Variants in WNT7B observed in about 807,000 individuals in gnomAD.
The protein encoded by WNT7B is protein Wnt-7b.
Under a neutral mutation model 38.2 loss-of-function variants are expected in WNT7B, and 19 were observed. The ratio of observed to expected loss-of-function variants is 0.50; its 90% CI spans 0.35 to 0.73. The LOEUF (loss-of-function observed/expected upper bound fraction) is 0.73. WNT7B is among the 30% of genes least tolerant of loss of function. WNT7B has a pLI of 0.01. For synonymous variants in WNT7B, 243 were observed against 209.3 expected, an observed-to-expected ratio of 1.16 and a Z score of -1.39; for missense variants, 423 against 507.9, an observed-to-expected ratio of 0.83 and a Z score of 1.61.
intron 3 of WNT7B, chr22:45,926,612 T>C: frequency 9.1e-6 from 9 of 985,380 alleles, no homozygotes; most frequent in South Asian, 4.7e-5. Context: ...CACCTCACCC[T>C]GGATCCTGGC....
intron 1 of WNT7B, among the ~76,000 whole-genome samples, chr22:45,953,700 C>T (rs1931992117): frequency 6.8e-6 from 1 of 147,396 alleles, no homozygotes; most frequent in Admixed American, 6.8e-5. Flanking sequence ...TGCCACCTCA[C>T]ACCCACTAGG....
chr22:45,947,023 G>A (rs2146729598), intron 2 of WNT7B, among the ~76,000 whole-genome samples: 1 of 152,332 alleles, frequency 6.6e-6, no homozygotes, highest in South Asian at 2.1e-4. Flanking sequence ...CTATGGCCCA[G>A]CTCCCAGCCC....
chr22:45,971,458 G>T (rs1351150791), intron 1 of WNT7B, among the ~76,000 whole-genome samples: 2 of 152,328 alleles, frequency 1.3e-5, no homozygotes, highest in Admixed American at 6.5e-5. Context: ...GAGCTTCTCA[G>T]AGCCCCGTGG....
At position 45,951,017 on chromosome 22, in the gene WNT7B, C is replaced by A. The variant is rs144808300; in HGVS notation, c.72-871G>T. ...GGACCTGAAGCCCTAGACAAGAACC[C>A]GCAGGTCACGCTCACTCTACTTCAA... On this transcript the variant is annotated intron_variant, in intron 1 of 3. Transcript: ENST00000339464. The surrounding 1 kb of genome is among the most constrained non-coding windows in gnomAD (Gnocchi z 4.8). Among the ~76,000 whole-genome samples, 7 of 152,170 alleles carry A rather than the reference C, an allele frequency of 4.6e-5. No individual in the cohort carries two copies. Among genetic ancestry groups the A allele is most frequent in the Non-Finnish European group, 7.3e-5 (5 of 68,038 alleles).
At chr22:45,926,869 C>A in intron 3 of WNT7B, 5 of 985,446 alleles carry the variant, frequency 5.1e-6, no homozygotes, top group African/African-American at 1.7e-5. Flanking sequence ...CAGGATCCGG[C>A]GCTCCCATTA....
intron 1 of WNT7B, among the ~76,000 whole-genome samples, chr22:45,970,996 G>A (rs1022667272): frequency 6.6e-6 from 1 of 152,258 alleles, no homozygotes; most frequent in Non-Finnish European, 1.5e-5. Flanking sequence ...CGCAGCATCT[G>A]GCTGCGGTTG....
chr22:45,941,030 G>A (rs1484520729), intron 2 of WNT7B, among the ~76,000 whole-genome samples: 1 of 152,304 alleles, frequency 6.6e-6, no homozygotes, highest in African/African-American at 2.4e-5. Context: ...CCCCTGGAAG[G>A]TGTCACTTTG....
At chr22:45,929,646 A>C (rs1031530728) in intron 3 of WNT7B, among the ~76,000 whole-genome samples, 20 of 90,808 alleles carry the variant, frequency 2.2e-4, no homozygotes, top group Admixed American at 1.1e-3. Flanking sequence ...GCATCCACTC[A>C]TCCATCCTTC....
chr22:45,942,509 A>C (rs530518053), intron 2 of WNT7B, among the ~76,000 whole-genome samples: 23 of 152,356 alleles, frequency 1.5e-4, no homozygotes, highest in African/African-American at 5.3e-4. Flanking sequence ...GCTTGGCCCC[A>C]ATCCCTGCTT....
intron 3 of WNT7B, chr22:45,926,840 G>A: frequency 1.0e-6 from 1 of 985,436 alleles, no homozygotes; most frequent in Non-Finnish European, 1.2e-6. Flanking sequence ...GAAGGAGAGT[G>A]TGGAGGGTGT....
intron 3 of WNT7B, chr22:45,927,566 A>C (rs1353353020): frequency 1.6e-6 from 2 of 1,253,718 alleles, no homozygotes; most frequent in African/African-American, 3.0e-5. Flanking sequence ...TGGGTTGTCC[A>C]AGTAGGCCCT....
rs184140525 is a variant in WNT7B, at chr22:45,951,279, G to A, written c.72-1133C>T. Among the ~76,000 whole-genome samples, 221 of 152,170 alleles carry A rather than the reference G, an allele frequency of 1.5e-3. No homozygotes were observed. The highest frequency in any genetic ancestry group is 2.5e-3 in the Non-Finnish European group (170 of 68,014). On this transcript the variant is annotated intron_variant, in intron 1 of 3. Transcript: ENST00000339464. This position sits in a 1 kb window ranked among gnomAD's most constrained non-coding sequence, Gnocchi z 4.8. ...TTTAGTAGAGACAGGATTTCACTGT[G>A]TTGGCCAGGCTGGTCTCGAACTCCT... is the stretch of plus-strand genomic sequence containing the variant.
rs1457993087 is a variant in WNT7B at position 45,977,026 on chromosome 22, AG to A, written c.-273del. On this transcript the variant is annotated 5_prime_UTR_variant, in exon 1 of 4. Transcript: ENST00000339464. The stretch of plus-strand genomic sequence containing the variant: ...GGTTGAGCGACCGTGGACCCCTGCA[AG>A]CGCGGGCCGGGGGCCCGGGCGCGGC... 1.0e-6 allele frequency: 1 copy of A among 984,960 alleles called. No homozygotes were observed. Among genetic ancestry groups the A allele is most frequent in the East Asian group, 1.1e-4 (1 of 8,806 alleles). The allele number at this position is 984,960 out of a possible 1,614,324, so 61.0% of individuals were successfully genotyped here.
At chr22:45,927,818 C>T (rs530717194) in intron 3 of WNT7B, among the ~76,000 whole-genome samples, 4 of 152,300 alleles carry the variant, frequency 2.6e-5, no homozygotes, top group Non-Finnish European at 4.4e-5. Context: ...ATTGCTTGAA[C>T]CCGGAAGGCA....
chr22:45,942,879 G>A (rs145759870), intron 2 of WNT7B, among the ~76,000 whole-genome samples: 1 of 150,494 alleles, frequency 6.6e-6, no homozygotes, highest in African/African-American at 2.4e-5. Context: ...GTGCGTGTGT[G>A]CATGTATGTG....
chr22:45,930,190 C>T (rs987241633), intron 3 of WNT7B, among the ~76,000 whole-genome samples: 2 of 152,248 alleles, frequency 1.3e-5, no homozygotes, highest in Admixed American at 6.5e-5. Flanking sequence ...ACCCAGTTCC[C>T]ACAGCCAGGG....
chr22:45,977,007 G>C lies in WNT7B; in HGVS notation c.-253C>G. ...GGCCGCGACCTCGAAGCCCGGTTGA[G>C]CGACCGTGGACCCCTGCAAGCGCGG... On this transcript the variant is annotated 5_prime_UTR_variant, in exon 1 of 4. Transcript: ENST00000339464. The C allele has an allele frequency of 2.0e-6, 2 of 986,018 alleles. No homozygotes were observed. The highest frequency in any genetic ancestry group is 2.4e-6 in the Non-Finnish European group (2 of 830,834). The allele number at this position is 986,018 out of a possible 1,614,324, so 61.1% of individuals were successfully genotyped here.
intron 1 of WNT7B, among the ~76,000 whole-genome samples, chr22:45,958,506 G>A (rs1335013185): frequency 6.6e-6 from 1 of 152,186 alleles, no homozygotes; most frequent in Admixed American, 6.5e-5. Context: ...GAGGCACAGT[G>A]GACACCCACT....
intron 3 of WNT7B, chr22:45,927,120 T>A (rs1931109567): frequency 1.0e-6 from 1 of 985,256 alleles, no homozygotes. Flanking sequence ...ACTGGGTTGG[T>A]CTTGGGGGCA....
Sources: gnomAD v4.1 joint callset for allele counts (sites outside exome capture counted in the v4.1 genomes callset) on GRCh38, gnomAD v4.1.1 for gene constraint, Gnocchi (gnomAD v3.1) non-coding constraint, MANE v1.5 for transcripts, NCBI Gene and HGNC (gene_info 2026-07-23, HGNC 2026-07-21) for gene names.